GAB1: variants seen among roughly 807,000 people sequenced by gnomAD.
GAB1 encodes the protein GRB2-associated-binding protein 1.
Under a neutral mutation model 66.5 loss-of-function variants are expected in GAB1, and 19 were observed. The observed-to-expected ratio is 0.29, with a 90% CI of 0.20 to 0.42. The LOEUF is 0.42. Among genes scored for constraint, GAB1 ranks in the 10% least tolerant of loss-of-function variants. The pLI is 1.00. For missense variants in GAB1, 732 were observed against 858.5 expected (o/e 0.85, Z 1.84); for synonymous variants, 294 against 301.4 (o/e 0.98, Z 0.25).
intron 6 of GAB1, among the ~76,000 whole-genome samples, chr4:143,448,408 A>G (rs1734691380): frequency 1.3e-5 from 2 of 151,830 alleles, no homozygotes; most frequent in African/African-American, 4.9e-5. Context: ...TCAGCTGTGA[A>G]TCCATCTGGT....
chr4:143,414,297 G>A (rs1313933204), intron 1 of GAB1, among the ~76,000 whole-genome samples: 1 of 152,152 alleles, frequency 6.6e-6, no homozygotes, highest in African/African-American at 2.4e-5. Context: ...ACACATGTTG[G>A]GGTTAAAGGC....
At chr4:143,414,072 C>T (rs1001021674) in intron 1 of GAB1, among the ~76,000 whole-genome samples, 6 of 152,176 alleles carry the variant, frequency 3.9e-5, no homozygotes, top group African/African-American at 1.4e-4. Flanking sequence ...ATCTGCCCAC[C>T]TCGGCCTCCC....
intron 6 of GAB1, among the ~76,000 whole-genome samples, chr4:143,453,360 T>C (rs1735021286): frequency 6.6e-6 from 1 of 152,092 alleles, no homozygotes; most frequent in East Asian, 1.9e-4. Flanking sequence ...GGAGTACCCT[T>C]TTAGTACCCA....
intron 1 of GAB1, among the ~76,000 whole-genome samples, chr4:143,407,605 C>T (rs1047993666): frequency 9.2e-5 from 14 of 152,066 alleles, no homozygotes; most frequent in Admixed American, 4.6e-4. Context: ...AAAGTTAGCT[C>T]GGATAGCACA....
intron 2 of GAB1, among the ~76,000 whole-genome samples, chr4:143,418,358 T>C (rs980342817): frequency 2.6e-5 from 4 of 152,226 alleles, no homozygotes; most frequent in Non-Finnish European, 5.9e-5. Context: ...TTTGCATTTA[T>C]AGTTTATATT....
At chr4:143,459,291 G>A in intron 6 of GAB1, 94 bp from the exon 7 acceptor site, 1 of 757,882 alleles carries the variant, frequency 1.3e-6, no homozygotes, top group Non-Finnish European at 2.3e-6. Context: ...GTTTACTCTG[G>A]CTATCAAATA....
intron 1 of GAB1, among the ~76,000 whole-genome samples, chr4:143,350,609 C>G (rs1729162857): frequency 7.2e-6 from 1 of 138,438 alleles, no homozygotes; most frequent in Non-Finnish European, 1.5e-5. Context: ...ACCCGGGAGG[C>G]GGAGGTTGCG....
chr4:143,380,341 T>C (rs142925795), intron 1 of GAB1, among the ~76,000 whole-genome samples: 137 of 152,298 alleles, frequency 9.0e-4, no homozygotes, highest in African/African-American at 3.1e-3. Flanking sequence ...TATGCTGTTA[T>C]GAGGCAACTT....
chr4:143,446,934 C>T lies in GAB1; in HGVS notation c.1585+6552C>T, dbSNP rs892936783. 6.4e-4 allele frequency among the ~76,000 whole-genome samples: 97 copies of T among 151,728 alleles called. No individual in the cohort carries two copies. In the East Asian group the frequency reaches 0.012, roughly 18 times the overall value. On this transcript the variant is annotated intron_variant, in intron 6 of 9. Coordinates refer to ENST00000262994, the MANE Select transcript of GAB1 (RefSeq NM_002039.4). Reference sequence around the variant, plus strand: ...AGGGTTTTTATGGTTTTAGGTCTAACGTTTAAGTCTTTAATCCATCTTGAA... The same window carrying T: ...AGGGTTTTTATGGTTTTAGGTCTAATGTTTAAGTCTTTAATCCATCTTGAA...
intron 1 of GAB1, among the ~76,000 whole-genome samples, chr4:143,402,984 C>G (rs1180040081): frequency 1.3e-5 from 2 of 152,140 alleles, no homozygotes; most frequent in Non-Finnish European, 2.9e-5. Flanking sequence ...ACCTCAGATG[C>G]CAGCACTTTC....
chr4:143,387,714 C>T (rs572208730), intron 1 of GAB1, among the ~76,000 whole-genome samples: 1 of 152,318 alleles, frequency 6.6e-6, no homozygotes, highest in South Asian at 2.1e-4. Flanking sequence ...CCCTCCTCCA[C>T]AGTCACCTCC....
intron 6 of GAB1, among the ~76,000 whole-genome samples, chr4:143,443,697 A>G (rs1012130749): frequency 1.3e-5 from 2 of 152,204 alleles, no homozygotes; most frequent in Non-Finnish European, 2.9e-5. Context: ...GATTAGTTTC[A>G]GAGCTCCATA....
rs1420121541 is a variant in GAB1 at position 143,469,302 on chromosome 4, G to C, written c.*113G>C. On this transcript the variant is annotated 3_prime_UTR_variant, in exon 10 of 10. Transcript: ENST00000262994. ...GGTAGATCCTCAAATGAGTAGAGTTGAAGTCAAAGGACCTTTCTGACATAA... is the reference window on the plus strand; with the variant it reads ...GGTAGATCCTCAAATGAGTAGAGTTCAAGTCAAAGGACCTTTCTGACATAA... 1.8e-6 allele frequency: 2 copies of C among 1,081,590 alleles called. No homozygotes were observed. Among genetic ancestry groups the C allele is most frequent in the Non-Finnish European group, 1.3e-6 (1 of 764,636 alleles). The allele number at this position is 1,081,590 out of a possible 1,614,324, so 67.0% of individuals were successfully genotyped here. A position where few individuals can be genotyped will look rare whatever the true frequency, so the allele number is the denominator to read the frequency against.
intron 1 of GAB1, among the ~76,000 whole-genome samples, chr4:143,396,389 T>C (rs1376835438): frequency 6.6e-6 from 1 of 152,012 alleles, no homozygotes. Context: ...ATACAGCAGA[T>C]GGAAATTAGG....
At chr4:143,448,744 C>T (rs976928555) in intron 6 of GAB1, among the ~76,000 whole-genome samples, 1 of 151,690 alleles carries the variant, frequency 6.6e-6, no homozygotes, top group Non-Finnish European at 1.5e-5. Context: ...AAAACCAGCT[C>T]CTGGATTCAT....
intron 1 of GAB1, among the ~76,000 whole-genome samples, chr4:143,350,468 G>T (rs115291205): frequency 6.6e-6 from 1 of 151,908 alleles, no homozygotes; most frequent in Non-Finnish European, 1.5e-5. Context: ...ACCTGAGTTC[G>T]GGAGACAGAG....
At chr4:143,447,228 T>G (rs1734606455) in intron 6 of GAB1, among the ~76,000 whole-genome samples, 2 of 152,166 alleles carry the variant, frequency 1.3e-5, no homozygotes, top group South Asian at 4.1e-4. Flanking sequence ...TCAGGTAGTG[T>G]GATGCCTCCA....
intron 1 of GAB1, among the ~76,000 whole-genome samples, chr4:143,399,934 C>T (rs1391182314): frequency 1.4e-5 from 2 of 141,322 alleles, no homozygotes; most frequent in South Asian, 2.5e-4. Context: ...TAAATTGAGT[C>T]TTGCTCTTTT....
At chr4:143,367,719 G>GTTTTTTTT (rs71588248) in intron 1 of GAB1, among the ~76,000 whole-genome samples, 1 of 94,656 alleles carries the variant, frequency 1.1e-5, no homozygotes, top group Non-Finnish European at 2.0e-5. Context: ...TCAGATGAGG[G>GTTTTTTTT]TTTTTTTTTT....
Sources: gnomAD v4.1 joint callset for allele counts (sites outside exome capture counted in the v4.1 genomes callset) on GRCh38, gnomAD v4.1.1 for gene constraint, MANE v1.5 for transcripts, NCBI Gene and HGNC (gene_info 2026-07-23, HGNC 2026-07-21) for gene names.